The following MYO7A variants were observed in gnomAD, a reference collection of about 807,000 sequenced individuals.
MYO7A encodes the protein myosin VIIA.
In MYO7A, 210 loss-of-function variants were observed where a neutral mutation model predicts 263.8. The observed-to-expected ratio is 0.80, with a 90% CI of 0.71 to 0.89. The LOEUF is 0.89. Among genes scored for constraint, MYO7A ranks in the 40% least tolerant of loss-of-function variants. The pLI is 0.00. For missense variants in MYO7A, 2,820 were observed against 2,968.3 expected, an observed-to-expected ratio of 0.95 and a Z score of 1.16; for synonymous variants, 1,239 against 1,197.3, an observed-to-expected ratio of 1.03 and a Z score of -0.72.
chr11:77,145,704 G>A (rs550755136), intron 3 of MYO7A, among the ~76,000 whole-genome samples: 62 of 152,274 alleles, frequency 4.1e-4, no homozygotes, highest in African/African-American at 1.3e-3. Context: ...CCACCCCCTC[G>A]CCCTGGGGAG....
intron 47 of MYO7A, among the ~76,000 whole-genome samples, chr11:77,213,413 AG>A (rs1957992431): frequency 6.6e-6 from 1 of 152,204 alleles, no homozygotes; most frequent in Non-Finnish European, 1.5e-5. Context: ...CAGGTGGTGA[AG>A]AGGGCTCGTG....
In MYO7A at chr11:77,214,564, T is replaced by C. The variant is rs112028203; in HGVS notation, c.6559-43T>C. The C allele has an allele frequency of 0.017, 24,819 of 1,423,244 alleles. 465 individuals are homozygous for C. Among genetic ancestry groups the C allele is most frequent in the African/African-American group, 0.09 (6,303 of 70,340 alleles). 88.2% of individuals were successfully genotyped at this position (1,423,244 alleles called of 1,614,324 possible). A position where few individuals can be genotyped will look rare whatever the true frequency, so the allele number is the denominator to read the frequency against. On this transcript the variant is annotated intron_variant, in intron 48 of 48. Coordinates refer to ENST00000409709, the MANE Select transcript of MYO7A (RefSeq NM_000260.4). ...GTGCTATGGTCTGAGTGGCTGGCCCTGTCCCACCGTGTGCTCGCTTATCTT... is the reference window on the plus strand; with the variant it reads ...GTGCTATGGTCTGAGTGGCTGGCCCCGTCCCACCGTGTGCTCGCTTATCTT...
chr11:77,207,032 T>C, intron 41 of MYO7A: 1 of 380,308 alleles, frequency 2.6e-6, no homozygotes, highest in Non-Finnish European at 4.8e-6. Context: ...TCACTGTCAC[T>C]CAGGCTTGTA....
At chr11:77,167,605 T>G (rs1255158385) in intron 15 of MYO7A, among the ~76,000 whole-genome samples, 1 of 152,104 alleles carries the variant, frequency 6.6e-6, no homozygotes, top group Admixed American at 6.5e-5. Context: ...ACCCCAAAGG[T>G]GCTGGGTACC....
chr11:77,207,566 GC>G (rs1321175583), intron 42 of MYO7A, among the ~76,000 whole-genome samples, 164 bp downstream of exon 42: 1 of 152,132 alleles, frequency 6.6e-6, no homozygotes, highest in Non-Finnish European at 1.5e-5. Context: ...TGGAGTGGCT[GC>G]CCCCAGCTCT....
rs966347226 is a variant in MYO7A, at chr11:77,205,831, C to T, written c.5636+214C>T. Among the ~76,000 whole-genome samples, 4 of 152,132 alleles carry T rather than the reference C, an allele frequency of 2.6e-5. No individual in the cohort carries two copies. In the South Asian group the frequency reaches 8.3e-4, roughly 32 times the overall value. On this transcript the variant is annotated intron_variant, in intron 40 of 48. Transcript: ENST00000409709. The stretch of plus-strand genomic sequence containing the variant: ...CTCGGGAGTGCTCAGCCCAGAGCTC[C>T]CAGGCTATCGGGTGGGCACAGACAC...
chr11:77,181,131 A>G (rs1555083840), intron 22 of MYO7A, among the ~76,000 whole-genome samples: 1 of 152,242 alleles, frequency 6.6e-6, no homozygotes. Context: ...TGTGGTCCCC[A>G]TGGAGCAGGC....
rs1454466982 is a variant in MYO7A at position 77,189,884 on chromosome 11, C to A, written c.3631-136C>A. On this transcript the variant is annotated intron_variant, in intron 28 of 48. Transcript: ENST00000409709. ...ACGTGGCTGGAAATAGATGGTGGAG[C>A]TGAGAGGGTAGGGAAGCCACAGAAA... 3 of 1,360,158 alleles carry A rather than the reference C, an allele frequency of 2.2e-6. No individual in the cohort carries two copies. In the African/African-American group the frequency reaches 4.4e-5, roughly 20 times the overall value. The allele number at this position is 1,360,158 out of a possible 1,614,324, so 84.3% of individuals were successfully genotyped here.
Position 77,213,862 on chromosome 11 carries a change from T to C in MYO7A, c.6441T>C (p.Asp2147=), listed in dbSNP as rs547153698. 9 of 1,614,022 alleles carry C rather than the reference T, an allele frequency of 5.6e-6. No individual in the cohort carries two copies. In the African/African-American group the frequency reaches 6.7e-5, roughly 12 times the overall value. ...CTATGCCCTTTCTGCTCCCCCAGGATATCCTCACCACTCATCCCTTCACCA... is the reference window on the plus strand; with the variant it reads ...CTATGCCCTTTCTGCTCCCCCAGGACATCCTCACCACTCATCCCTTCACCA... ...GVSLIDPKTK[D]ILTTHPFTKI... is the part of the protein sequence containing the mutation. Residue 2147 remains aspartate, a splice_region_variant and synonymous_variant, in exon 48 of 49, where the codon GAT becomes GAC. Transcript: ENST00000409709.
In MYO7A at chr11:77,201,473, C is replaced by T. The variant is rs771842044; in HGVS notation, c.4878C>T (p.Ser1626=). Reference sequence around the variant, plus strand: ...CAGGCGAGGAGTCAGGCTTCCTCAGCTTTGCCAAGGGAGACCTCATCATCC... The same window carrying T: ...CAGGCGAGGAGTCAGGCTTCCTCAGTTTTGCCAAGGGAGACCTCATCATCC... The part of the protein sequence containing the change: ...NPAGEESGFL[S]FAKGDLIILD... Residue 1626 remains serine, a synonymous_variant, in exon 36 of 49, where the codon AGC becomes AGT. Transcript: ENST00000409709. The T allele has an allele frequency of 6.2e-7, 1 of 1,613,942 alleles. No individual in the cohort carries two copies. Among genetic ancestry groups the T allele is most frequent in the Non-Finnish European group, 8.5e-7 (1 of 1,179,878 alleles).
chr11:77,202,479 G>T lies in MYO7A; in HGVS notation c.5168+55G>T, dbSNP rs189578787. 3.6e-3 allele frequency: 5,570 copies of T among 1,530,340 alleles called. 13 individuals are homozygous for T. The highest frequency in any genetic ancestry group is 4.2e-3 in the Non-Finnish European group (4,792 of 1,134,922). The allele number at this position is 1,530,340 out of a possible 1,614,324, so 94.8% of individuals were successfully genotyped here. On this transcript the variant is annotated intron_variant, in intron 37 of 48. Transcript: ENST00000409709. ...ACAGGGCTAGGAGCTGCAGGCTTCC[G>T]CTACTGTCTGGTCGTGTGCTGGGGC...
chr11:77,184,853 C>A, intron 27 of MYO7A, 138 bp downstream of exon 27: 1 of 1,379,928 alleles, frequency 7.2e-7, no homozygotes, highest in Non-Finnish European at 1.0e-6. Context: ...GAGTTAGGAC[C>A]TTGGTGGAGT....
chr11:77,212,085 C>A, intron 46 of MYO7A, 148 bp downstream of exon 46: 1 of 739,250 alleles, frequency 1.4e-6, no homozygotes, highest in South Asian at 1.5e-5. Context: ...AGCCTTGTCC[C>A]AGCTTAGCGT....
At chr11:77,171,612 A>G (rs1555076020) in intron 15 of MYO7A, among the ~76,000 whole-genome samples, 1 of 152,158 alleles carries the variant, frequency 6.6e-6, no homozygotes, top group Non-Finnish European at 1.5e-5. Context: ...TACCTCACAT[A>G]TCTACATCTA....
chr11:77,191,833 C>A (rs945717660), intron 30 of MYO7A, among the ~76,000 whole-genome samples: 1 of 152,252 alleles, frequency 6.6e-6, no homozygotes, highest in Non-Finnish European at 1.5e-5. Flanking sequence ...ATGGGAATTC[C>A]CACGTCACCG....
chr11:77,168,036 G>A (rs574078968), intron 15 of MYO7A, among the ~76,000 whole-genome samples: 17 of 152,164 alleles, frequency 1.1e-4, no homozygotes, highest in East Asian at 5.8e-4. Flanking sequence ...TGAGACGGGC[G>A]TAGCTCTGGC....
At chr11:77,212,408 T>A (rs1490088341) in intron 46 of MYO7A, 3 of 355,442 alleles carry the variant, frequency 8.4e-6, no homozygotes, top group Admixed American at 7.6e-5. Flanking sequence ...GAGGCGAGAG[T>A]GGGCTGTGGA....
chr11:77,184,483 C>T, intron 26 of MYO7A, 105 bp from the exon 27 acceptor site: 1 of 969,726 alleles, frequency 1.0e-6, no homozygotes, highest in East Asian at 2.6e-5. Flanking sequence ...CTGCTCACTC[C>T]TTAGATTCTG....
At chr11:77,180,038 G>A (rs2135474792) in intron 21 of MYO7A, 85 bp downstream of exon 21, 4 of 1,379,544 alleles carry the variant, frequency 2.9e-6, no homozygotes, top group East Asian at 2.5e-5. Context: ...TGGCCAGGAA[G>A]TGGGACCTAT....
Sources: allele counts gnomAD v4.1 joint callset (sites outside exome capture counted in the v4.1 genomes callset), GRCh38; gene constraint gnomAD v4.1.1; transcripts MANE v1.5; gene names NCBI Gene and HGNC (gene_info 2026-07-23, HGNC 2026-07-21).